ACACA: variants seen among roughly 807,000 people sequenced by gnomAD.
ACACA encodes acetyl-CoA carboxylase alpha.
A neutral mutation model predicts 296.1 loss-of-function variants in ACACA; 103 were observed. That is an observed-to-expected ratio of 0.35 (90% CI 0.30 to 0.41). ACACA has a LOEUF of 0.41. Among genes scored for constraint, ACACA ranks in the 10% least tolerant of loss-of-function variants. The probability of loss-of-function intolerance (pLI) is 1.00; values close to 1 mark genes in which losing one functional copy is unlikely to be tolerated. For synonymous variants in ACACA, 953 were observed against 1,038.6 expected, an observed-to-expected ratio of 0.92 and a Z score of 1.58; for missense variants, 1,554 against 2,989.7, an observed-to-expected ratio of 0.52 and a Z score of 11.20.
intron 48 of ACACA, 63 bp downstream of exon 48, chr17:37,125,635 G>A (rs546067150): frequency 2.5e-5 from 33 of 1,337,956 alleles, no homozygotes; most frequent in Non-Finnish European, 3.5e-5. Context: ...ATAGAGCCAT[G>A]GCTCTTTCTT....
At chr17:37,147,511 A>T (rs1310709296) in intron 45 of ACACA, among the ~76,000 whole-genome samples, 3 of 152,204 alleles carry the variant, frequency 2.0e-5, no homozygotes, top group Admixed American at 2.0e-4. Flanking sequence ...AGAAGGAGTG[A>T]GTCAGAGGAA....
At chr17:37,367,941 C>T (rs2049665277) in intron 1 of ACACA, among the ~76,000 whole-genome samples, 1 of 152,056 alleles carries the variant, frequency 6.6e-6, no homozygotes, top group Non-Finnish European at 1.5e-5. Context: ...GTGGCACACA[C>T]CTATAGTCCT....
chr17:37,377,345 T>G (rs1254000385), intron 1 of ACACA, among the ~76,000 whole-genome samples: 1 of 152,154 alleles, frequency 6.6e-6, no homozygotes. Context: ...ACTACTACTT[T>G]GTATGTATTT....
intron 43 of ACACA, among the ~76,000 whole-genome samples, chr17:37,154,123 C>T (rs992115808): frequency 6.6e-6 from 1 of 151,796 alleles, no homozygotes; most frequent in Non-Finnish European, 1.5e-5. Context: ...CCTGGGGAAC[C>T]TAGCAAGACT....
At chr17:37,402,860 G>A (rs2051338283) in intron 1 of ACACA, among the ~76,000 whole-genome samples, 1 of 152,058 alleles carries the variant, frequency 6.6e-6, no homozygotes, top group Admixed American at 6.6e-5. Context: ...TTTTAGTTGA[G>A]ATGGGGTTTC....
chr17:37,349,123 T>C (rs2147445136), intron 1 of ACACA, among the ~76,000 whole-genome samples: 1 of 150,230 alleles, frequency 6.7e-6, no homozygotes, highest in South Asian at 2.1e-4. Context: ...TGCAGTGGCG[T>C]GATCGCCGCT....
chr17:37,296,463 G>A (rs1487904244), intron 3 of ACACA, among the ~76,000 whole-genome samples: 2 of 151,410 alleles, frequency 1.3e-5, no homozygotes, highest in Non-Finnish European at 2.9e-5. Flanking sequence ...CCGCCACCAC[G>A]CCCGGCTAAT....
chr17:37,284,233 T>G (rs953704784), intron 4 of ACACA, among the ~76,000 whole-genome samples: 20 of 152,206 alleles, frequency 1.3e-4, no homozygotes, highest in African/African-American at 4.8e-4. Context: ...ATGTGGTATA[T>G]TCCCTTGAAA....
At chr17:37,291,422 C>T (rs1174915702) in intron 3 of ACACA, among the ~76,000 whole-genome samples, 67 of 151,988 alleles carry the variant, frequency 4.4e-4, no homozygotes, top group Non-Finnish European at 5.9e-5. Flanking sequence ...GTGATCCACC[C>T]GCCTCAGCCT....
intron 1 of ACACA, among the ~76,000 whole-genome samples, chr17:37,385,828 T>C (rs1164356509): frequency 6.6e-6 from 1 of 152,194 alleles, no homozygotes; most frequent in Non-Finnish European, 1.5e-5. Context: ...CTCTTATTAG[T>C]GTCTCTATCC....
In ACACA at chr17:37,388,234, T is replaced by C. The variant is rs145415079; in HGVS notation, c.38+18028A>G. Among the ~76,000 whole-genome samples the C allele has an allele frequency of 9.3e-4, 141 of 152,232 alleles. 1 individual carries two copies. The highest frequency in any genetic ancestry group is 3.2e-3 in the African/African-American group (132 of 41,560). The stretch of plus-strand genomic sequence containing the variant: ...CAGTGCTAATTTTTACATTTCTTCC[T>C]CTTATATTCTATGAAAGCCAGGAGA... On this transcript the variant is annotated intron_variant, in intron 1 of 55. Transcript: ENST00000616317.
intron 48 of ACACA, among the ~76,000 whole-genome samples, chr17:37,123,407 A>G (rs536419509): frequency 6.6e-6 from 1 of 152,190 alleles, no homozygotes. Context: ...TGACTTCCCA[A>G]TTTGGTCCTC....
intron 42 of ACACA, chr17:37,161,510 G>A (rs550535406): frequency 4.3e-5 from 22 of 515,962 alleles, no homozygotes; most frequent in Admixed American, 1.4e-4. Flanking sequence ...AGCATGTCTC[G>A]CACTAAATGC....
intron 5 of ACACA, 124 bp from the exon 6 acceptor site, chr17:37,278,129 G>A (rs1163164469): frequency 1.3e-6 from 1 of 755,258 alleles, no homozygotes; most frequent in South Asian, 1.5e-5. Flanking sequence ...AGCATTAGTA[G>A]GATAATTTCC....
intron 11 of ACACA, 129 bp from the exon 12 acceptor site, chr17:37,259,659 A>G: frequency 1.1e-6 from 1 of 943,960 alleles, no homozygotes; most frequent in East Asian, 2.5e-5. Flanking sequence ...ACATGAGAGC[A>G]CATTTCTGAT....
rs149616919 is a variant in ACACA, at chr17:37,255,079, C to T, written c.1827-2043G>A. On this transcript the variant is annotated intron_variant, in intron 14 of 55. Transcript: ENST00000616317. The stretch of plus-strand genomic sequence containing the variant: ...TCGTGCCACTGCACTCCAGCTTGGG[C>T]GACAGAGCAAGACTCTGTCTCAAAA... Among the ~76,000 whole-genome samples the T allele has an allele frequency of 7.0e-3, 1,056 of 150,624 alleles. 7 individuals are homozygous for T. The highest frequency in any genetic ancestry group is 0.051 in the Middle Eastern group (15 of 294).
rs550347470 is a variant in ACACA at position 37,377,888 on chromosome 17, A to G, written c.38+28374T>C. 1.5e-4 allele frequency: 249 copies of G among 1,610,590 alleles called. No individual in the cohort carries two copies. The East Asian group carries it at 4.9e-3, about 31-fold the overall frequency. ...CTCTGCTCACCCCCAGACCTCAGAGATAGCAGTTGCCGACTGGAACAGCTG... is the reference window on the plus strand; with the variant it reads ...CTCTGCTCACCCCCAGACCTCAGAGGTAGCAGTTGCCGACTGGAACAGCTG... On this transcript the variant is annotated intron_variant, in intron 1 of 55. Coordinates refer to ENST00000616317, the MANE Select transcript of ACACA (RefSeq NM_198834.3).
chr17:37,377,590 G>T (rs1386112847), intron 1 of ACACA, among the ~76,000 whole-genome samples: 1 of 151,940 alleles, frequency 6.6e-6, no homozygotes, highest in Non-Finnish European at 1.5e-5. Flanking sequence ...AACCCAGGAG[G>T]TGAATGTTGC....
At chr17:37,243,935 A>C (rs2080552735) in intron 21 of ACACA, among the ~76,000 whole-genome samples, 1 of 152,210 alleles carries the variant, frequency 6.6e-6, no homozygotes, top group Admixed American at 6.5e-5. Context: ...GCTGGTCTCA[A>C]ACTCCTGGCC....
Sources: gnomAD v4.1 joint callset for allele counts (sites outside exome capture counted in the v4.1 genomes callset) on GRCh38, gnomAD v4.1.1 for gene constraint, MANE v1.5 for transcripts, NCBI Gene and HGNC (gene_info 2026-07-23, HGNC 2026-07-21) for gene names.